KIF3B: variants seen among roughly 807,000 people sequenced by gnomAD.
KIF3B encodes the protein kinesin family member 3B.
Under a neutral mutation model 74.3 loss-of-function variants are expected in KIF3B, and 38 were observed. The ratio of observed to expected loss-of-function variants is 0.51; its 90% confidence interval spans 0.39 to 0.67. The LOEUF (loss-of-function observed/expected upper bound fraction) is 0.67, where lower values mean the gene tolerates loss of function less well. Ranked by LOEUF, KIF3B falls within the 30% of genes least tolerant of loss-of-function variation. KIF3B has a pLI of 0.00. For synonymous variants in KIF3B, 326 were observed against 342.5 expected (o/e 0.95, Z 0.53); for missense variants, 649 against 932.0 (o/e 0.70, Z 3.95).
chr20:32,322,652 T>TTATATATTTA (rs1569207411), intron 5 of KIF3B, among the ~76,000 whole-genome samples: 1 of 50,530 alleles, frequency 2.0e-5, no homozygotes, highest in East Asian at 2.3e-3. Flanking sequence ...ATATATATTT[T>TTATATATTTA]TATATATTTA....
At chr20:32,324,864 A>C (rs1014329848) in intron 5 of KIF3B, among the ~76,000 whole-genome samples, 20 of 152,090 alleles carry the variant, frequency 1.3e-4, no homozygotes, top group Admixed American at 5.9e-4. Context: ...CCCTGTCTCT[A>C]CTAAAAATAC....
chr20:32,290,461 G>C (rs2047686044), intron 1 of KIF3B, among the ~76,000 whole-genome samples: 1 of 152,152 alleles, frequency 6.6e-6, no homozygotes, highest in Non-Finnish European at 1.5e-5. Context: ...GGCTATTCAG[G>C]CTACCTCTGC....
In KIF3B at chr20:32,310,061, A is replaced by G. The variant is rs746271757; in HGVS notation, c.284A>G (p.Tyr95Cys). ...LQGFNGTIFA[Y>C]GQTGTGKTYT... ...GGTTTCAATGGAACCATTTTTGCCT[A>G]TGGACAAACTGGGACAGGAAAAACC... Residue 95 changes from tyrosine to cysteine, a missense_variant, in exon 2 of 9, where the codon TAT (tyrosine) becomes TGT (cysteine). Tyr to Cys is a radical substitution (Grantham distance 194). Transcript: ENST00000375712. The surrounding 1 kb of genome is among the most constrained non-coding windows in gnomAD (Gnocchi z 6.5). 38 of 1,614,172 alleles carry G rather than the reference A, an allele frequency of 2.4e-5. No individual in the cohort carries two copies. Among genetic ancestry groups the G allele is most frequent in the South Asian group, 4.4e-5 (4 of 91,074 alleles).
At chr20:32,287,899 T>TC in intron 1 of KIF3B, among the ~76,000 whole-genome samples, 1 of 144,374 alleles carries the variant, frequency 6.9e-6, no homozygotes, top group East Asian at 2.1e-4. Context: ...TTTTTTTTTT[T>TC]TCAGATGGAG....
At chr20:32,308,726 CTTT>C (rs72491023) in intron 1 of KIF3B, among the ~76,000 whole-genome samples, 1 of 130,504 alleles carries the variant, frequency 7.7e-6, no homozygotes, top group Admixed American at 7.8e-5. Flanking sequence ...TTTTATTTTA[CTTT>C]TTTTTTTTTT....
chr20:32,319,582 G>GTTTTTTTTTTTTTTTTTTTTTT (rs34028388), intron 5 of KIF3B, among the ~76,000 whole-genome samples: 32 of 92,004 alleles, frequency 3.5e-4, no homozygotes, highest in Middle Eastern at 8.6e-3. Flanking sequence ...TTTTGTTTTT[G>GTTTTTTTTTTTTTTTTTTTTTT]TTTTTTTTTT....
At position 32,309,674 on chromosome 20, in the gene KIF3B, C is replaced by T. The variant is rs911872897; in HGVS notation, c.-65-39C>T. On this transcript the variant is annotated intron_variant, in intron 1 of 8. Transcript: ENST00000375712. ...GCTTCTGTCAGGCAGGCTGCAATGACAACGGTACTGTGCTTATTTACTTTT... is the reference window on the plus strand; with the variant it reads ...GCTTCTGTCAGGCAGGCTGCAATGATAACGGTACTGTGCTTATTTACTTTT... The T allele has an allele frequency of 1.8e-5, 24 of 1,331,162 alleles. No individual in the cohort carries two copies. The African/African-American group carries it at 2.1e-4, about 11-fold the overall frequency. The allele number at this position is 1,331,162 out of a possible 1,614,324, so 82.5% of individuals were successfully genotyped here. A position where few individuals can be genotyped will look rare whatever the true frequency, so the allele number is the denominator to read the frequency against.
intron 5 of KIF3B, among the ~76,000 whole-genome samples, chr20:32,319,580 TTG>T (rs1389137607): frequency 2.8e-5 from 4 of 143,634 alleles, no homozygotes; most frequent in African/African-American, 1.0e-4. Context: ...TGTTTTGTTT[TTG>T]TTTTTTTTTT....
intron 1 of KIF3B, among the ~76,000 whole-genome samples, chr20:32,291,277 A>T (rs947906585): frequency 6.6e-6 from 1 of 152,184 alleles, no homozygotes; most frequent in Non-Finnish European, 1.5e-5. Flanking sequence ...CTGTAATTTT[A>T]AAAAAATTTT....
intron 2 of KIF3B, among the ~76,000 whole-genome samples, chr20:32,315,423 C>G (rs1018674144): frequency 2.6e-5 from 4 of 152,174 alleles, no homozygotes; most frequent in African/African-American, 7.2e-5. Flanking sequence ...TCTGAATTCT[C>G]TGACTGGGCG....
At position 32,310,469 on chromosome 20, in the gene KIF3B, A is replaced by G. The variant is rs1189654849; in HGVS notation, c.692A>G (p.Asp231Gly). 1.2e-6 allele frequency: 2 copies of G among 1,613,896 alleles called. No individual in the cohort carries two copies. The highest frequency in any genetic ancestry group is 1.7e-5 in the Admixed American group (1 of 60,002). ...ATTGAGTGCAGCGAGGTGGGCCTCG[A>G]TGGTGAAAACCACATCCGTGTAGGA... ...ITIECSEVGL[D>G]GENHIRVGKL... Residue 231 changes from aspartate to glycine, a missense_variant, in exon 2 of 9, where the codon GAT becomes GGT. Transcript: ENST00000375712. The surrounding 1 kb of genome is among the most constrained non-coding windows in gnomAD (Gnocchi z 6.5).
intron 1 of KIF3B, among the ~76,000 whole-genome samples, chr20:32,299,399 A>ATTTT (rs1424602118): frequency 2.2e-3 from 69 of 31,738 alleles, no homozygotes; most frequent in African/African-American, 0.011. Context: ...ATATATATAT[A>ATTTT]TATATTTTTT....
intron 2 of KIF3B, among the ~76,000 whole-genome samples, chr20:32,315,139 C>T (rs746642728): frequency 6.6e-6 from 1 of 152,124 alleles, no homozygotes; most frequent in Non-Finnish European, 1.5e-5. Context: ...TCCTGCCAGT[C>T]CTTTGCCATG....
At position 32,322,672 on chromosome 20, in the gene KIF3B, TTATATATTTA is replaced by T. The variant is rs1393832285; in HGVS notation, c.1749-4073_1749-4064del. 1.5e-3 allele frequency among the ~76,000 whole-genome samples: 57 copies of T among 38,548 alleles called. 7 individuals are homozygous for T. The highest frequency in any genetic ancestry group is 2.1e-3 in the Admixed American group (5 of 2,334). The allele number at this position is 38,548 out of a possible 152,430, so 25.3% of individuals were successfully genotyped here. On this transcript the variant is annotated intron_variant, in intron 5 of 8. Transcript: ENST00000375712. ...TATTTTTATATATTTATATATATAT[TTATATATTTA>T]TATATATTTATATATATTTATATAT...
intron 1 of KIF3B, among the ~76,000 whole-genome samples, chr20:32,300,087 T>C (rs1263852472): frequency 4.4e-5 from 3 of 67,756 alleles, no homozygotes. Flanking sequence ...TTTTGTTTTG[T>C]TTTGTTTTGT....
At chr20:32,316,979 T>A in intron 5 of KIF3B, 105 bp downstream of exon 5, 1 of 831,798 alleles carries the variant, frequency 1.2e-6, no homozygotes. Flanking sequence ...CCTACGCCTG[T>A]AATCCCAGTG....
At chr20:32,287,176 T>G (rs2047671017) in intron 1 of KIF3B, among the ~76,000 whole-genome samples, 1 of 152,222 alleles carries the variant, frequency 6.6e-6, no homozygotes, top group African/African-American at 2.4e-5. Flanking sequence ...TTTATTTCAA[T>G]TTTTGTTTCA....
chr20:32,308,691 G>GT (rs1481629574), intron 1 of KIF3B, among the ~76,000 whole-genome samples: 4 of 149,672 alleles, frequency 2.7e-5, no homozygotes, highest in African/African-American at 9.8e-5. Context: ...GATTACAGGC[G>GT]TGAGCCACTG....
intron 1 of KIF3B, among the ~76,000 whole-genome samples, chr20:32,286,716 T>C (rs2047668762): frequency 6.6e-6 from 1 of 152,228 alleles, no homozygotes; most frequent in Admixed American, 6.5e-5. Flanking sequence ...TACAAATGTA[T>C]TCCTAAATAC....
Sources: allele counts gnomAD v4.1 joint callset (sites outside exome capture counted in the v4.1 genomes callset), GRCh38; gene constraint gnomAD v4.1.1; non-coding constraint Gnocchi (gnomAD v3.1); transcripts MANE v1.5; gene names NCBI Gene and HGNC (gene_info 2026-07-23, HGNC 2026-07-21).